The following PTPRD variants were observed in gnomAD, a reference collection of about 807,000 sequenced individuals.
PTPRD encodes the protein receptor-type tyrosine-protein phosphatase delta.
A neutral mutation model predicts 214.5 loss-of-function variants in PTPRD; 34 were observed. That is an observed-to-expected ratio of 0.16 (90% CI 0.12 to 0.21). The LOEUF (loss-of-function observed/expected upper bound fraction) is 0.21. PTPRD is among the 10% of genes least tolerant of loss of function. The probability of loss-of-function intolerance (pLI) is 1.00; values close to 1 mark genes in which losing one functional copy is unlikely to be tolerated. For missense variants in PTPRD, 2,545 were observed against 2,398.7 expected (o/e 1.06, Z -1.27); for synonymous variants, 1,128 against 845.7 (o/e 1.33, Z -5.79).
At chr9:10,252,209 A>G (rs1391204463) in intron 3 of PTPRD, among the ~76,000 whole-genome samples, 1 of 152,184 alleles carries the variant, frequency 6.6e-6, no homozygotes, top group Non-Finnish European at 1.5e-5. Context: ...AAACTTTGTG[A>G]CAGCCTCAAT....
At chr9:9,518,003 G>T (rs916792931) in intron 8 of PTPRD, among the ~76,000 whole-genome samples, 2 of 151,928 alleles carry the variant, frequency 1.3e-5, no homozygotes, top group Admixed American at 1.3e-4. Context: ...TATACTCAAT[G>T]CATTAATAAC....
At chr9:8,612,959 T>C (rs572725165) in intron 14 of PTPRD, among the ~76,000 whole-genome samples, 19 of 152,318 alleles carry the variant, frequency 1.2e-4, no homozygotes, top group African/African-American at 4.1e-4. Flanking sequence ...TTCAGACTGA[T>C]TAGGTATTAA....
intron 3 of PTPRD, among the ~76,000 whole-genome samples, chr9:10,194,718 T>G (rs1299867324): frequency 2.0e-5 from 3 of 152,004 alleles, no homozygotes; most frequent in Admixed American, 1.3e-4. Flanking sequence ...ACGTGAACAT[T>G]AAAGAGAATA....
Position 8,485,797 on chromosome 9 carries a change from G to A in PTPRD, c.3020C>T (p.Pro1007Leu), listed in dbSNP as rs751359202. 3.1e-6 allele frequency: 5 copies of A among 1,613,662 alleles called. No homozygotes were observed. Among genetic ancestry groups the A allele is most frequent in the East Asian group, 2.2e-5 (1 of 44,862 alleles). Residue 1007 changes from proline to leucine, a missense_variant, in exon 28 of 46, where the codon CCC becomes CTC. Pro to Leu is a moderately conservative substitution (Grantham distance 98). Transcript: ENST00000381196. ...AGGCAGTGTCCTGAACTGGACACTGGGACTATATGGCCCGGGCCCTTTGCT... is the reference window on the plus strand; with the variant it reads ...AGGCAGTGTCCTGAACTGGACACTGAGACTATATGGCCCGGGCCCTTTGCT... ...HTSKGPGPYS[P>L]SVQFRTLPVD...
At chr9:8,610,667 G>A (rs2095415558) in intron 14 of PTPRD, among the ~76,000 whole-genome samples, 1 of 152,168 alleles carries the variant, frequency 6.6e-6, no homozygotes, top group African/African-American at 2.4e-5. Flanking sequence ...CAGTTCAATA[G>A]CCAAATGCCA....
At chr9:9,147,774 C>T (rs2099871180) in intron 10 of PTPRD, among the ~76,000 whole-genome samples, 1 of 152,126 alleles carries the variant, frequency 6.6e-6, no homozygotes, top group Non-Finnish European at 1.5e-5. Flanking sequence ...TCCCTGCTTC[C>T]CTTCTACAGT....
intron 35 of PTPRD, among the ~76,000 whole-genome samples, chr9:8,416,769 G>C (rs755820652): frequency 6.6e-6 from 1 of 152,066 alleles, no homozygotes; most frequent in Non-Finnish European, 1.5e-5. Context: ...ATGACAATGA[G>C]GGGTGGATTA....
rs534913297 is a variant in PTPRD at position 10,389,792 on chromosome 9, C to T, written c.-599-48775G>A. Among the ~76,000 whole-genome samples, 12 of 151,866 alleles carry T rather than the reference C, an allele frequency of 7.9e-5. No homozygotes were observed. In the East Asian group the frequency reaches 9.8e-4, roughly 12 times the overall value. On this transcript the variant is annotated intron_variant, in intron 2 of 45. Transcript: ENST00000381196. ...TTACAAACATGCTTTCATATTAGTT[C>T]GGTTTCTCCATGTAATTTTAAATTT...
intron 5 of PTPRD, among the ~76,000 whole-genome samples, chr9:9,790,674 A>G (rs2098960730): frequency 6.6e-6 from 1 of 152,224 alleles, no homozygotes; most frequent in South Asian, 2.1e-4. Context: ...ATCAATAATT[A>G]TGTTAGCTTG....
chr9:9,057,327 G>A (rs2099698172), intron 10 of PTPRD, among the ~76,000 whole-genome samples: 1 of 152,086 alleles, frequency 6.6e-6, no homozygotes, highest in Admixed American at 6.5e-5. Context: ...GTATATTTGA[G>A]CTGAAAGGGG....
At chr9:8,655,477 G>A (rs1465065758) in intron 12 of PTPRD, among the ~76,000 whole-genome samples, 1 of 152,048 alleles carries the variant, frequency 6.6e-6, no homozygotes, top group East Asian at 1.9e-4. Context: ...AGCATTTTCT[G>A]GAAATAGTGT....
chr9:10,605,195 G>T (rs1467114308), intron 2 of PTPRD, among the ~76,000 whole-genome samples: 1 of 151,714 alleles, frequency 6.6e-6, no homozygotes, highest in African/African-American at 2.4e-5. Flanking sequence ...AAAAGGTACA[G>T]GAAGAATTTC....
chr9:8,893,598 C>T (rs1399460193), intron 11 of PTPRD, among the ~76,000 whole-genome samples: 1 of 152,132 alleles, frequency 6.6e-6, no homozygotes, highest in Non-Finnish European at 1.5e-5. Flanking sequence ...TGGCTTTTTG[C>T]TACACCTGCT....
intron 11 of PTPRD, among the ~76,000 whole-genome samples, chr9:8,934,393 ATG>A (rs756848411): frequency 0.048 from 2,287 of 48,048 alleles, 81 homozygotes; most frequent in African/African-American, 0.11. Flanking sequence ...AATACTAATT[ATG>A]TGTGTGTGTG....
intron 11 of PTPRD, among the ~76,000 whole-genome samples, chr9:8,764,117 CTAAT>C (rs2094565072): frequency 6.6e-6 from 1 of 152,188 alleles, no homozygotes; most frequent in African/African-American, 2.4e-5. Context: ...CACTCTCACT[CTAAT>C]TATTCCAGGA....
intron 3 of PTPRD, among the ~76,000 whole-genome samples, chr9:10,212,463 A>C (rs2154342531): frequency 6.6e-6 from 1 of 152,260 alleles, no homozygotes; most frequent in East Asian, 1.9e-4. Context: ...ATTAAAGATG[A>C]AATTTCAATT....
chr9:9,937,599 G>C (rs2090011462), intron 5 of PTPRD, among the ~76,000 whole-genome samples: 1 of 152,000 alleles, frequency 6.6e-6, no homozygotes, highest in African/African-American at 2.4e-5. Context: ...AATTGCTATG[G>C]AGGAGGGATT....
intron 37 of PTPRD, among the ~76,000 whole-genome samples, chr9:8,379,033 G>A (rs569604221): frequency 1.5e-4 from 23 of 152,154 alleles, no homozygotes; most frequent in South Asian, 2.1e-4. Context: ...AGGAGTAAAC[G>A]CTGTGAAAAT....
At chr9:10,029,981 A>G (rs921514403) in intron 4 of PTPRD, among the ~76,000 whole-genome samples, 11 of 152,144 alleles carry the variant, frequency 7.2e-5, no homozygotes, top group Admixed American at 4.6e-4. Flanking sequence ...TTCTCCTGAT[A>G]GTAAATAAGT....
Sources: allele counts gnomAD v4.1 joint callset (sites outside exome capture counted in the v4.1 genomes callset), GRCh38; gene constraint gnomAD v4.1.1; transcripts MANE v1.5; gene names NCBI Gene and HGNC (gene_info 2026-07-23, HGNC 2026-07-21).